Variants in SEPTIN6 observed in about 807,000 individuals in gnomAD.
The protein encoded by SEPTIN6 is septin-6.
In SEPTIN6, 8 loss-of-function variants were observed where a neutral mutation model predicts 33.6. The ratio of observed to expected loss-of-function variants is 0.24; its 90% CI spans 0.14 to 0.43. SEPTIN6 has a LOEUF of 0.43. Ranked by LOEUF, SEPTIN6 falls within the 20% of genes least tolerant of loss-of-function variation. The probability of loss-of-function intolerance (pLI) is 1.00; values close to 1 mark genes in which losing one functional copy is unlikely to be tolerated. For missense variants in SEPTIN6, 250 were observed against 340.8 expected, an observed-to-expected ratio of 0.73 and a Z score of 2.10; for synonymous variants, 131 against 140.0, an observed-to-expected ratio of 0.94 and a Z score of 0.45.
chrX:119,689,247 T>C (rs1212158144), intron 1 of SEPTIN6, among the ~76,000 whole-genome samples: 4 of 111,813 alleles, frequency 3.6e-5, no homozygotes, highest in African/African-American at 1.3e-4. Context: ...GAATGCAACA[T>C]TGAAAGGAAC....
intron 4 of SEPTIN6, 110 bp from the exon 5 acceptor site, chrX:119,650,208 A>G: frequency 4.2e-6 from 3 of 721,428 alleles, no homozygotes; most frequent in Non-Finnish European, 6.3e-6. Flanking sequence ...CCCAGTGGTC[A>G]AAGACTGGCC....
intron 3 of SEPTIN6, among the ~76,000 whole-genome samples, chrX:119,662,473 C>G (rs150609371): frequency 2.5e-4 from 28 of 111,996 alleles, no homozygotes; most frequent in Admixed American, 6.7e-4. Context: ...AACCCCACAC[C>G]AAGTGCCTAC....
chrX:119,663,118 C>T (rs1043361454), intron 3 of SEPTIN6, among the ~76,000 whole-genome samples: 5 of 111,896 alleles, frequency 4.5e-5, no homozygotes, highest in East Asian at 2.8e-4. Context: ...TGCTTAAAAC[C>T]GGTTTTGCCT....
At chrX:119,645,823 C>G (rs7059670) in intron 5 of SEPTIN6, among the ~76,000 whole-genome samples, 52,836 of 110,300 alleles carry the variant, frequency 0.48, 10,249 homozygotes, top group African/African-American at 0.74. Flanking sequence ...AGCCACTGCA[C>G]CCAGCCCCGA....
intron 10 of SEPTIN6, among the ~76,000 whole-genome samples, chrX:119,624,413 G>A (rs5910623): frequency 0.1 from 11,053 of 110,459 alleles, 480 homozygotes; most frequent in South Asian, 0.25. Flanking sequence ...GACCTCAGGT[G>A]ATCCGCCCGC....
intron 1 of SEPTIN6, among the ~76,000 whole-genome samples, chrX:119,684,001 G>A (rs943474519): frequency 1.5e-4 from 16 of 104,156 alleles, no homozygotes; most frequent in Non-Finnish European, 2.9e-4. Context: ...GTGCAGTGGC[G>A]CGATCTCAGC....
intron 2 of SEPTIN6, among the ~76,000 whole-genome samples, chrX:119,671,108 T>G (rs1223486262): frequency 9.0e-6 from 1 of 110,678 alleles, no homozygotes; most frequent in Non-Finnish European, 1.9e-5. Flanking sequence ...TGTTAATAAT[T>G]GAAGCTAGTG....
At chrX:119,653,186 A>T in intron 3 of SEPTIN6, 146 bp from the exon 4 acceptor site, 1 of 494,904 alleles carries the variant, frequency 2.0e-6, no homozygotes, top group Non-Finnish European at 3.3e-6. Context: ...TGGGCCTCCA[A>T]TCTTGTCAGC....
chrX:119,664,346 G>A (rs897869978), intron 2 of SEPTIN6, among the ~76,000 whole-genome samples: 1 of 111,266 alleles, frequency 9.0e-6, no homozygotes, highest in African/African-American at 3.3e-5. Context: ...GAGAGATATA[G>A]CTATGCCTAG....
chrX:119,625,384 A>G lies in SEPTIN6; in HGVS notation c.1281-5T>C. 1 of 1,205,684 alleles carries G rather than the reference A, an allele frequency of 8.3e-7. No homozygotes were observed. Among genetic ancestry groups the G allele is most frequent in the Middle Eastern group, 2.3e-4 (1 of 4,345 alleles). ...TGCAGCAAACAGCAGAGTTAACTGT[A>G]AAACAGTAAGAGCTGATGAAGATGG... is the stretch of plus-strand genomic sequence containing the variant. On this transcript the variant is annotated splice_region_variant and splice_polypyrimidine_tract_variant and intron_variant, in intron 9 of 10. Coordinates refer to ENST00000394610, the MANE Select transcript of SEPTIN6 (RefSeq NM_145799.4).
intron 8 of SEPTIN6, among the ~76,000 whole-genome samples, chrX:119,632,630 C>CT (rs1045304956): frequency 3.5e-4 from 38 of 108,270 alleles, no homozygotes; most frequent in African/African-American, 1.1e-3. Flanking sequence ...TGTTTCCTTT[C>CT]TTTTTTTTTG....
chrX:119,646,005 A>G (rs181872373), intron 5 of SEPTIN6, among the ~76,000 whole-genome samples: 35 of 112,201 alleles, frequency 3.1e-4, no homozygotes, highest in Non-Finnish European at 5.3e-4. Flanking sequence ...CATCCATTAT[A>G]CTTGGGAGGC....
chrX:119,690,265 G>C (rs1569446629), intron 1 of SEPTIN6, among the ~76,000 whole-genome samples: 1 of 109,413 alleles, frequency 9.1e-6, no homozygotes, highest in Non-Finnish European at 1.9e-5. Flanking sequence ...CAACTTGAAG[G>C]CTTGTTTTAG....
intron 1 of SEPTIN6, 68 bp from the exon 2 acceptor site, chrX:119,675,736 T>C: frequency 1.6e-6 from 1 of 618,334 alleles, no homozygotes; most frequent in Non-Finnish European, 2.3e-6. Flanking sequence ...CGCTTCTCCA[T>C]CCAAATGTTC....
intron 10 of SEPTIN6, 88 bp from the exon 11 acceptor site, chrX:119,620,139 G>A: frequency 1.4e-6 from 1 of 733,801 alleles, no homozygotes; most frequent in South Asian, 2.4e-5. Context: ...TAAGTAATGA[G>A]GACTAATGGC....
chrX:119,668,655 C>G (rs1306748013), intron 2 of SEPTIN6, among the ~76,000 whole-genome samples: 1 of 111,585 alleles, frequency 9.0e-6, no homozygotes, highest in Non-Finnish European at 1.9e-5. Context: ...CTTTCCTCAT[C>G]TATAAAATGT....
At chrX:119,686,891 A>G (rs1015807407) in intron 1 of SEPTIN6, among the ~76,000 whole-genome samples, 2 of 111,321 alleles carry the variant, frequency 1.8e-5, no homozygotes, top group East Asian at 5.6e-4. Context: ...CCTGGGCCCT[A>G]TGGGAGTGCT....
chrX:119,673,382 T>C (rs566974244), intron 2 of SEPTIN6, among the ~76,000 whole-genome samples: 57 of 110,268 alleles, frequency 5.2e-4, no homozygotes, highest in Middle Eastern at 9.4e-3. Context: ...CCAAAGTTGG[T>C]GTGTGGGAGT....
intron 5 of SEPTIN6, among the ~76,000 whole-genome samples, chrX:119,649,249 C>T (rs12856910): frequency 0.26 from 27,698 of 104,655 alleles, 4,926 homozygotes; most frequent in African/African-American, 0.62. Context: ...CACACCACCA[C>T]GCCTGGCTAA....
Sources: allele counts gnomAD v4.1 joint callset (sites outside exome capture counted in the v4.1 genomes callset), GRCh38; gene constraint gnomAD v4.1.1; transcripts MANE v1.5; gene names NCBI Gene and HGNC (gene_info 2026-07-23, HGNC 2026-07-21).